The following INTS12 variants were observed in gnomAD, a reference collection of about 807,000 sequenced individuals.
The protein encoded by INTS12 is integrator complex subunit 12, also known as PHD finger protein 22.
A neutral mutation model predicts 41.6 loss-of-function variants in INTS12; 13 were observed. The observed-to-expected ratio is 0.31, with a 90% CI of 0.20 to 0.50. INTS12 has a LOEUF of 0.50. INTS12 is among the 20% of genes least tolerant of loss of function. The pLI, the probability that INTS12 is intolerant of heterozygous loss-of-function variation, is 0.98. For synonymous variants in INTS12, 199 were observed against 191.4 expected (o/e 1.04, Z -0.33); for missense variants, 432 against 541.6 (o/e 0.80, Z 2.01).
In INTS12 at chr4:105,699,909, C is replaced by G; in HGVS notation, c.97G>C (p.Ala33Pro). ...KSKDSAEKLKALLDESLARGI... is the reference protein window; with the variant it reads ...KSKDSAEKLKPLLDESLARGI... Reference sequence around the variant, plus strand: ...CGAGCCAAAGATTCATCAAGCAGTGCTTTTAGCTTTTCAGCAGAATCTTTA... The same window carrying G: ...CGAGCCAAAGATTCATCAAGCAGTGGTTTTAGCTTTTCAGCAGAATCTTTA... Residue 33 changes from alanine to proline, a missense_variant, in exon 3 of 8, where the codon GCA (alanine) becomes CCA (proline). Physicochemically the swap from Ala to Pro is conservative, Grantham distance 27 (BLOSUM62 -1). Around this residue, in one of 3 missense-constraint regions of INTS12, gnomAD observed 168 missense variants for 198.9 expected, o/e 0.84. Transcript: ENST00000340139. 6.4e-7 allele frequency: 1 copy of G among 1,565,594 alleles called. No individual in the cohort carries two copies.
At chr4:105,698,090 A>T (rs1196724114) in intron 3 of INTS12, among the ~76,000 whole-genome samples, 1 of 152,198 alleles carries the variant, frequency 6.6e-6, no homozygotes, top group African/African-American at 2.4e-5. Flanking sequence ...TATTGTGTGT[A>T]ACTAAAAAAT....
At chr4:105,688,127 G>T (rs531724258) in intron 6 of INTS12, among the ~76,000 whole-genome samples, 1 of 152,314 alleles carries the variant, frequency 6.6e-6, no homozygotes, top group East Asian at 1.9e-4. Context: ...TTAGCATAGT[G>T]TCTGGAAAAT....
chr4:105,704,258 G>A (rs1399343791), intron 1 of INTS12, among the ~76,000 whole-genome samples: 2 of 152,244 alleles, frequency 1.3e-5, no homozygotes, highest in East Asian at 3.9e-4. Flanking sequence ...ACATACGATT[G>A]TCCCTCCTAC....
At chr4:105,705,274 T>A (rs1031080411) in intron 1 of INTS12, 1 of 152,250 alleles carries the variant, frequency 6.6e-6, no homozygotes, top group African/African-American at 2.4e-5. Context: ...CTACGTTGTG[T>A]GCTCCTCATG....
At chr4:105,692,516 A>C (rs1731727366) in intron 5 of INTS12, among the ~76,000 whole-genome samples, 1 of 150,638 alleles carries the variant, frequency 6.6e-6, no homozygotes, top group African/African-American at 2.4e-5. Context: ...AGTTATTTCC[A>C]GGTTGTTCTG....
chr4:105,691,100 T>C (rs1731667203), intron 6 of INTS12, among the ~76,000 whole-genome samples: 1 of 152,178 alleles, frequency 6.6e-6, no homozygotes, highest in African/African-American at 2.4e-5. Flanking sequence ...AAAAGTAAAA[T>C]GGGTATCCCG....
chr4:105,696,445 T>C (rs1461451064), intron 3 of INTS12, among the ~76,000 whole-genome samples: 4 of 152,220 alleles, frequency 2.6e-5, no homozygotes, highest in Non-Finnish European at 4.4e-5. Context: ...CCTAGAAATT[T>C]ATATAAATGG....
chr4:105,696,626 T>G (rs921224703), intron 3 of INTS12, among the ~76,000 whole-genome samples: 12 of 152,214 alleles, frequency 7.9e-5, no homozygotes, highest in Middle Eastern at 3.2e-3. Context: ...ATATTTGGGT[T>G]GTCTGCAGTT....
intron 1 of INTS12, among the ~76,000 whole-genome samples, chr4:105,704,593 T>A (rs572463721): frequency 6.6e-6 from 1 of 152,238 alleles, no homozygotes; most frequent in African/African-American, 2.4e-5. Context: ...CTAATACATC[T>A]CTGCAGTCCA....
chr4:105,683,349 G>T (rs1269018161), intron 7 of INTS12, 32 bp from the exon 8 acceptor site: 2 of 1,478,750 alleles, frequency 1.4e-6, no homozygotes, highest in Non-Finnish European at 1.8e-6. Flanking sequence ...TTACATTAGA[G>T]CCAAGTTTAA....
chr4:105,687,088 T>C, intron 6 of INTS12: 2 of 438,396 alleles, frequency 4.6e-6, no homozygotes, highest in South Asian at 2.7e-5. Flanking sequence ...GTTAGTTAAA[T>C]ACCATTTTAA....
intron 6 of INTS12, among the ~76,000 whole-genome samples, chr4:105,688,252 C>G (rs1294082273): frequency 6.6e-6 from 1 of 152,144 alleles, no homozygotes; most frequent in Admixed American, 6.5e-5. Flanking sequence ...TTCCCGCCAG[C>G]CATTCCATAG....
intron 6 of INTS12, among the ~76,000 whole-genome samples, chr4:105,689,176 A>G (rs1731596230): frequency 6.6e-6 from 1 of 152,258 alleles, no homozygotes; most frequent in Non-Finnish European, 1.5e-5. Context: ...AGAAAACTAT[A>G]GAACTGAAGA....
At chr4:105,700,974 C>T (rs1732049896) in intron 2 of INTS12, among the ~76,000 whole-genome samples, 1 of 152,168 alleles carries the variant, frequency 6.6e-6, no homozygotes. Context: ...GATCAATATA[C>T]TATGGCTTGA....
intron 3 of INTS12, among the ~76,000 whole-genome samples, chr4:105,696,140 C>A (rs989422705): frequency 1.3e-5 from 2 of 152,162 alleles, no homozygotes; most frequent in Non-Finnish European, 2.9e-5. Flanking sequence ...CGTGTACCAC[C>A]ACACCTGGCC....
At chr4:105,689,022 G>T (rs1282744102) in intron 6 of INTS12, among the ~76,000 whole-genome samples, 1 of 152,208 alleles carries the variant, frequency 6.6e-6, no homozygotes, top group African/African-American at 2.4e-5. Flanking sequence ...GGCACTAACT[G>T]CCAGAATGGC....
At chr4:105,705,264 C>T (rs1254332282) in intron 1 of INTS12, 1 of 152,232 alleles carries the variant, frequency 6.6e-6, no homozygotes, top group Non-Finnish European at 1.5e-5. Context: ...TGTGTGTGAT[C>T]TACGTTGTGT....
At position 105,691,692 on chromosome 4, in the gene INTS12, T is replaced by C. The variant is rs80340943; in HGVS notation, c.657+284A>G. ...CATGGTATTTTAAAATGTTTGTCAA[T>C]ACATTGACAGACTAGTAAGGAATAT... On this transcript the variant is annotated intron_variant, in intron 6 of 7. Transcript: ENST00000340139. Among the ~76,000 whole-genome samples the C allele has an allele frequency of 4.1e-3, 618 of 152,332 alleles. 5 individuals carry two copies. Among genetic ancestry groups the C allele is most frequent in the African/African-American group, 0.014 (598 of 41,572 alleles).
At chr4:105,705,611 C>G (rs1732237646) in intron 1 of INTS12, 1 of 152,114 alleles carries the variant, frequency 6.6e-6, no homozygotes, top group Non-Finnish European at 1.5e-5. Flanking sequence ...TAAATGTTAC[C>G]TAGTATCTTA....
Sources: allele counts gnomAD v4.1 joint callset (sites outside exome capture counted in the v4.1 genomes callset), GRCh38; gene constraint gnomAD v4.1.1; regional missense constraint gnomAD v4.1.1; transcripts MANE v1.5; gene names NCBI Gene and HGNC (gene_info 2026-07-23, HGNC 2026-07-21).